DIP2A: variants seen among roughly 807,000 people sequenced by gnomAD.
DIP2A encodes the protein DIP2 acetate--CoA ligase A.
DIP2A carries 85 observed loss-of-function variants against 177.4 expected under a neutral mutation model. The observed-to-expected ratio is 0.48, with a 90% CI of 0.40 to 0.57. DIP2A has a LOEUF of 0.57. DIP2A is among the 20% of genes least tolerant of loss of function. The pLI is 0.00. For synonymous variants in DIP2A, 886 were observed against 881.8 expected (o/e 1.00, Z -0.08); for missense variants, 1,791 against 2,100.2 (o/e 0.85, Z 2.88).
chr21:46,554,934 G>A lies in DIP2A; in HGVS notation c.3388+1G>A. The A allele has an allele frequency of 1.9e-6, 3 of 1,551,392 alleles. No individual in the cohort carries two copies. The highest frequency in any genetic ancestry group is 2.4e-5 in the East Asian group (1 of 40,936). ...ACCTGGCCCACCATCCTAGACACAG[G>A]TGCGTGTCCTCGCACTGCCCAGGAC... On this transcript the variant is annotated splice_donor_variant, in intron 28 of 37. Transcript: ENST00000417564. LOFTEE classifies it high-confidence loss of function.
intron 1 of DIP2A, among the ~76,000 whole-genome samples, chr21:46,465,335 A>G (rs1664458506): frequency 6.6e-6 from 1 of 152,090 alleles, no homozygotes; most frequent in African/African-American, 2.4e-5. Context: ...TGGGAGGCCG[A>G]GGTGGTTGGA....
chr21:46,547,939 G>A (rs183171757), intron 21 of DIP2A, among the ~76,000 whole-genome samples: 2 of 152,166 alleles, frequency 1.3e-5, no homozygotes, highest in Admixed American at 1.3e-4. Flanking sequence ...CAAACTGCTG[G>A]GATTACAGGT....
chr21:46,512,512 A>G (rs2058357609), intron 8 of DIP2A, among the ~76,000 whole-genome samples: 1 of 152,138 alleles, frequency 6.6e-6, no homozygotes, highest in Non-Finnish European at 1.5e-5. Context: ...GCACAGGCTA[A>G]TTTGCATTTG....
At chr21:46,477,212 C>T (rs1203149713) in intron 1 of DIP2A, among the ~76,000 whole-genome samples, 1 of 151,950 alleles carries the variant, frequency 6.6e-6, no homozygotes, top group Non-Finnish European at 1.5e-5. Context: ...AAGCACGTGC[C>T]CTTTTTCCTA....
chr21:46,496,080 AAT>A (rs1215819839), intron 3 of DIP2A, among the ~76,000 whole-genome samples: 26 of 151,742 alleles, frequency 1.7e-4, no homozygotes, highest in Middle Eastern at 3.4e-3. Flanking sequence ...CAAAAAAAAA[AAT>A]TTTTTTTTCA....
intron 18 of DIP2A, among the ~76,000 whole-genome samples, chr21:46,542,624 G>T (rs1043367364): frequency 1.3e-5 from 2 of 152,210 alleles, no homozygotes; most frequent in African/African-American, 4.8e-5. Context: ...GGTGACATTC[G>T]AGTGGGGACA....
In DIP2A at chr21:46,557,332, T is replaced by C. The variant is rs2060503373; in HGVS notation, c.3630-253T>C. ...ACACTAGAAAGTGGCGATCCGTCTCTAGAAGTGAATGCCTCTGGAGTGGTG... is the reference window on the plus strand; with the variant it reads ...ACACTAGAAAGTGGCGATCCGTCTCCAGAAGTGAATGCCTCTGGAGTGGTG... On this transcript the variant is annotated intron_variant, in intron 30 of 37. Transcript: ENST00000417564. The surrounding 1 kb of genome is among the most constrained non-coding windows in gnomAD (Gnocchi z 6.0). 3.2e-6 allele frequency: 2 copies of C among 626,972 alleles called. No individual in the cohort carries two copies. Among genetic ancestry groups the C allele is most frequent in the East Asian group, 5.5e-5 (2 of 36,198 alleles). 38.8% of individuals were successfully genotyped at this position (626,972 alleles called of 1,614,324 possible). A position where few individuals can be genotyped will look rare whatever the true frequency, so the allele number is the denominator to read the frequency against.
chr21:46,503,339 A>AG (rs2057761059), intron 5 of DIP2A, among the ~76,000 whole-genome samples: 2 of 151,894 alleles, frequency 1.3e-5, no homozygotes, highest in Non-Finnish European at 1.5e-5. Context: ...AAAAAAAAAA[A>AG]AAAAGGAACT....
intron 5 of DIP2A, among the ~76,000 whole-genome samples, chr21:46,502,900 G>A (rs2057733098): frequency 6.6e-6 from 1 of 152,142 alleles, no homozygotes; most frequent in African/African-American, 2.4e-5. Flanking sequence ...CCAGCATTCT[G>A]AACAGATAGA....
chr21:46,490,579 TC>T lies in DIP2A; in HGVS notation c.164-18del. 3 of 1,544,452 alleles carry T rather than the reference TC, an allele frequency of 1.9e-6. No individual in the cohort carries two copies. Among genetic ancestry groups the T allele is most frequent in the Non-Finnish European group, 2.6e-6 (3 of 1,145,302 alleles). On this transcript the variant is annotated intron_variant, in intron 2 of 37. Transcript: ENST00000417564. ...AAAGCAAATTGTTCACATAAGGTAT[TC>T]CCATAAAATTGTGTTTCAGGAATAG...
At chr21:46,560,934 G>A in intron 33 of DIP2A, 151 bp downstream of exon 33, 1 of 985,398 alleles carries the variant, frequency 1.0e-6, no homozygotes, top group Non-Finnish European at 1.2e-6. Flanking sequence ...GGGCACATGA[G>A]AGGACAGCTG....
intron 1 of DIP2A, among the ~76,000 whole-genome samples, chr21:46,460,794 A>G (rs1223268133): frequency 2.6e-5 from 4 of 151,998 alleles, no homozygotes; most frequent in Non-Finnish European, 4.4e-5. Flanking sequence ...CCCAGGTAGA[A>G]ATGATTCTTC....
chr21:46,529,737 T>TA (rs2059277293), intron 9 of DIP2A, among the ~76,000 whole-genome samples: 1 of 152,214 alleles, frequency 6.6e-6, no homozygotes, highest in Non-Finnish European at 1.5e-5. Context: ...TCTGTTTGAC[T>TA]TCATATATGT....
chr21:46,554,996 G>A (rs2060412797), intron 28 of DIP2A, 63 bp downstream of exon 28: 4 of 1,493,758 alleles, frequency 2.7e-6, no homozygotes, highest in African/African-American at 1.4e-5. Context: ...GGTGTGGTGT[G>A]GCCTGGCTGC....
In DIP2A at chr21:46,550,694, G is replaced by C. The variant is rs758272835; in HGVS notation, c.2789G>C (p.Cys930Ser). ...CTGCACCCGTGTAATGTGCTGATGT[G>C]CCCTCACACCTGTGTTACCAACCTC... is the stretch of plus-strand genomic sequence containing the variant. The part of the protein sequence containing the change: ...GTLHPCNVLM[C>S]PHTCVTNLPK... Residue 930 changes from cysteine (C) to serine (S), a missense_variant, in exon 23 of 38, where the codon TGC becomes TCC. Cys to Ser is a moderately radical substitution (Grantham distance 112, BLOSUM62 -1). Coordinates refer to ENST00000417564, the MANE Select transcript of DIP2A (RefSeq NM_015151.4). The C allele has an allele frequency of 3.7e-6, 6 of 1,614,034 alleles. No homozygotes were observed. The Admixed American group carries it at 1.0e-4, about 27-fold the overall frequency.
rs1171954205 is a variant in DIP2A, at chr21:46,509,448, A to C, written c.904+72A>C. On this transcript the variant is annotated intron_variant, in intron 7 of 37. Coordinates refer to ENST00000417564, the MANE Select transcript of DIP2A (RefSeq NM_015151.4). ...GGCCACGAAGTTGAGAAACACAGGC[A>C]AATGTATATTATACATGGATATTGC... 4 of 1,536,690 alleles carry C rather than the reference A, an allele frequency of 2.6e-6. No individual in the cohort carries two copies. The Admixed American group carries it at 7.9e-5, about 30-fold the overall frequency.
At chr21:46,522,641 C>T (rs2058873446) in intron 8 of DIP2A, among the ~76,000 whole-genome samples, 1 of 152,176 alleles carries the variant, frequency 6.6e-6, no homozygotes, top group East Asian at 1.9e-4. Flanking sequence ...CCATTAGCTA[C>T]CCCCAAAGTA....
At chr21:46,534,196 ATT>A (rs1203842328) in intron 12 of DIP2A, 83 bp downstream of exon 12, 27 of 1,158,776 alleles carry the variant, frequency 2.3e-5, no homozygotes, top group Non-Finnish European at 5.0e-6. Context: ...GTAAGTTGCT[ATT>A]CTTTTTTGTT....
intron 6 of DIP2A, among the ~76,000 whole-genome samples, chr21:46,505,206 C>T (rs2148582450): frequency 6.6e-6 from 1 of 152,198 alleles, no homozygotes. Flanking sequence ...ATGAAGCAGT[C>T]TGTACATTGG....
Sources: gnomAD v4.1 joint callset for allele counts (sites outside exome capture counted in the v4.1 genomes callset) on GRCh38, gnomAD v4.1.1 for gene constraint, Gnocchi (gnomAD v3.1) non-coding constraint, MANE v1.5 for transcripts, NCBI Gene and HGNC (gene_info 2026-07-23, HGNC 2026-07-21) for gene names.